The following NALCN variants were observed in gnomAD, a reference collection of about 807,000 sequenced individuals.
NALCN encodes the protein sodium leak channel, non-selective.
Under a neutral mutation model 225.3 loss-of-function variants are expected in NALCN, and 111 were observed. The ratio of observed to expected loss-of-function variants is 0.49; its 90% CI spans 0.42 to 0.58. The LOEUF is 0.58. NALCN is among the 20% of genes least tolerant of loss of function. NALCN has a pLI of 0.00. For synonymous variants in NALCN, 764 were observed against 769.0 expected (o/e 0.99, Z 0.11); for missense variants, 1,378 against 2,202.4 (o/e 0.63, Z 7.49).
intron 7 of NALCN, among the ~76,000 whole-genome samples, chr13:101,317,989 T>C (rs1034434509): frequency 2.0e-5 from 3 of 152,196 alleles, no homozygotes; most frequent in African/African-American, 7.2e-5. Context: ...TGTGGTTTTG[T>C]AGTATACAAA....
chr13:101,413,933 A>G (rs1036446902), intron 1 of NALCN, among the ~76,000 whole-genome samples: 1 of 152,130 alleles, frequency 6.6e-6, no homozygotes, highest in East Asian at 1.9e-4. Context: ...CGCCCATTCT[A>G]GAGTACAGTG....
chr13:101,318,999 A>C (rs2044652802), intron 7 of NALCN, among the ~76,000 whole-genome samples: 1 of 152,184 alleles, frequency 6.6e-6, no homozygotes, highest in Non-Finnish European at 1.5e-5. Flanking sequence ...GTGCTGCTGG[A>C]TGTTGTTATG....
chr13:101,279,779 T>A (rs1164166308), intron 10 of NALCN, among the ~76,000 whole-genome samples: 1 of 149,400 alleles, frequency 6.7e-6, no homozygotes, highest in Non-Finnish European at 1.5e-5. Flanking sequence ...ATCCCGCCAC[T>A]GCACTCCAGC....
At chr13:101,156,200 G>GT (rs1386244714) in intron 15 of NALCN, among the ~76,000 whole-genome samples, 1 of 151,904 alleles carries the variant, frequency 6.6e-6, no homozygotes, top group Non-Finnish European at 1.5e-5. Flanking sequence ...TTGCTTGTTT[G>GT]TTTTTTCCTT....
intron 15 of NALCN, among the ~76,000 whole-genome samples, chr13:101,174,449 A>T (rs1439538237): frequency 6.6e-6 from 1 of 152,226 alleles, no homozygotes; most frequent in Non-Finnish European, 1.5e-5. Context: ...TTAAAACTTT[A>T]TAGCCCAGGA....
intron 19 of NALCN, 24 bp from the exon 20 acceptor site, chr13:101,110,712 T>C: frequency 6.2e-7 from 1 of 1,612,818 alleles, no homozygotes; most frequent in South Asian, 1.1e-5. Flanking sequence ...AGGCACTGGT[T>C]AATACATCTC....
At chr13:101,277,279 T>C (rs1046118133) in intron 10 of NALCN, among the ~76,000 whole-genome samples, 13 of 152,246 alleles carry the variant, frequency 8.5e-5, no homozygotes, top group Middle Eastern at 3.4e-3. Flanking sequence ...ATAATACCAA[T>C]GGAGACAGTT....
chr13:101,224,576 G>T (rs187797919), intron 13 of NALCN, among the ~76,000 whole-genome samples: 1 of 152,020 alleles, frequency 6.6e-6, no homozygotes, highest in Non-Finnish European at 1.5e-5. Context: ...TATGCTTATC[G>T]CTGTCTTCCT....
At chr13:101,410,932 CTT>C (rs1003757988) in intron 1 of NALCN, among the ~76,000 whole-genome samples, 4 of 152,180 alleles carry the variant, frequency 2.6e-5, no homozygotes, top group African/African-American at 9.7e-5. Flanking sequence ...GTGGATATAT[CTT>C]TACCATCCAC....
At chr13:101,127,171 T>C (rs2036275052) in intron 17 of NALCN, among the ~76,000 whole-genome samples, 1 of 152,208 alleles carries the variant, frequency 6.6e-6, no homozygotes, top group East Asian at 1.9e-4. Context: ...CCTAAATGAT[T>C]TCTGCCCTGC....
At chr13:101,259,732 G>GTGTATATATATA (rs1555324888) in intron 10 of NALCN, among the ~76,000 whole-genome samples, 175 of 119,390 alleles carry the variant, frequency 1.5e-3, no homozygotes, top group African/African-American at 3.4e-3. Context: ...CATAGTAAGT[G>GTGTATATATATA]TATATATATA....
At chr13:101,177,510 C>CA in intron 14 of NALCN, among the ~76,000 whole-genome samples, 1 of 150,358 alleles carries the variant, frequency 6.7e-6, no homozygotes, top group Admixed American at 6.6e-5. Context: ...ATTAATGGTA[C>CA]TTGCTTTTGT....
chr13:101,206,206 C>T (rs951227948), intron 13 of NALCN, among the ~76,000 whole-genome samples: 1 of 151,964 alleles, frequency 6.6e-6, no homozygotes, highest in East Asian at 1.9e-4. Context: ...TTCCTGCCTT[C>T]CTCCCTCCCT....
intron 6 of NALCN, among the ~76,000 whole-genome samples, chr13:101,369,617 G>A (rs758105030): frequency 1.1e-4 from 16 of 152,028 alleles, no homozygotes; most frequent in African/African-American, 1.4e-4. Flanking sequence ...TTAATAAAAC[G>A]GTAATTTGAA....
chr13:101,249,230 A>AT (rs2041990915), intron 11 of NALCN, among the ~76,000 whole-genome samples: 1 of 152,222 alleles, frequency 6.6e-6, no homozygotes, highest in Non-Finnish European at 1.5e-5. Context: ...ATGACTCTAT[A>AT]AATAGCAAGC....
chr13:101,111,046 G>A (rs928614145), intron 19 of NALCN, 79 bp downstream of exon 19: 49 of 1,419,636 alleles, frequency 3.5e-5, no homozygotes, highest in African/African-American at 2.3e-4. Context: ...GCTGACAGCC[G>A]TGACTGTGTA....
intron 1 of NALCN, among the ~76,000 whole-genome samples, chr13:101,407,243 A>G (rs2047650944): frequency 6.6e-6 from 1 of 152,204 alleles, no homozygotes; most frequent in Non-Finnish European, 1.5e-5. Context: ...CATCTACTCT[A>G]TAAGTTTCCA....
At chr13:101,324,463 GGTTTGTA>G (rs1307853277) in intron 7 of NALCN, among the ~76,000 whole-genome samples, 3 of 152,132 alleles carry the variant, frequency 2.0e-5, no homozygotes, top group Non-Finnish European at 4.4e-5. Flanking sequence ...GTCGAGCAGT[GGTTTGTA>G]GTTCTCCTTG....
At chr13:101,334,499 C>T (rs1190408691) in intron 7 of NALCN, among the ~76,000 whole-genome samples, 1 of 152,144 alleles carries the variant, frequency 6.6e-6, no homozygotes, top group African/African-American at 2.4e-5. Flanking sequence ...TGCCAGTGTT[C>T]AGAAGAGTAC....
Sources: gnomAD v4.1 joint callset for allele counts (sites outside exome capture counted in the v4.1 genomes callset) on GRCh38, gnomAD v4.1.1 for gene constraint, MANE v1.5 for transcripts, NCBI Gene and HGNC (gene_info 2026-07-23, HGNC 2026-07-21) for gene names.